The following PTPRO variants were observed in gnomAD, a reference collection of about 807,000 sequenced individuals.
PTPRO encodes the protein receptor-type tyrosine-protein phosphatase O.
A neutral mutation model predicts 145.2 loss-of-function variants in PTPRO; 62 were observed. The ratio of observed to expected loss-of-function variants is 0.43; its 90% CI spans 0.35 to 0.53. The LOEUF is 0.53. PTPRO is among the 20% of genes least tolerant of loss of function. The pLI is 0.01. For synonymous variants in PTPRO, 565 were observed against 514.7 expected (o/e 1.10, Z -1.32); for missense variants, 1,345 against 1,482.7 (o/e 0.91, Z 1.53).
intron 1 of PTPRO, among the ~76,000 whole-genome samples, chr12:15,420,423 A>AT (rs1161476638): frequency 6.6e-6 from 1 of 151,406 alleles, no homozygotes; most frequent in Admixed American, 6.6e-5. Flanking sequence ...TTTTACCAAG[A>AT]TTCTCCCACT....
In PTPRO at chr12:15,549,217, T is replaced by C; in HGVS notation, c.2428T>C (p.Ser810Pro). 6.2e-7 allele frequency: 1 copy of C among 1,610,884 alleles called. No individual in the cohort carries two copies. The highest frequency in any genetic ancestry group is 1.1e-5 in the South Asian group (1 of 90,142). The change falls in exon 14 of 27, where the codon TCA becomes CCA. Residue 810 changes from serine to proline, a missense_variant. This residue lies in a region of PTPRO where 1,130 missense variants were observed against 1,214.7 expected (regional missense o/e 0.93). Transcript: ENST00000281171. ...CAGTGTCCCTACGTTCATAGCCGTC[T>C]CAACAATGGGTAATTATACACATTA... ...SPSVPTFIAV[S>P]TMVTEMNPNV...
intron 1 of PTPRO, among the ~76,000 whole-genome samples, chr12:15,465,383 C>T (rs1412998142): frequency 2.0e-5 from 3 of 152,160 alleles, no homozygotes; most frequent in African/African-American, 7.2e-5. Context: ...TGTGAATAAC[C>T]TGAACATATT....
intron 1 of PTPRO, among the ~76,000 whole-genome samples, chr12:15,336,137 C>T (rs1038750391): frequency 6.6e-6 from 1 of 151,914 alleles, no homozygotes; most frequent in Non-Finnish European, 1.5e-5. Context: ...AAAAGAATAT[C>T]ATCATTCCTA....
chr12:15,343,089 A>G (rs1207775108), intron 1 of PTPRO, among the ~76,000 whole-genome samples: 2 of 152,180 alleles, frequency 1.3e-5, no homozygotes, highest in Non-Finnish European at 2.9e-5. Flanking sequence ...TGAATAAACT[A>G]GTGGACAGTG....
chr12:15,543,746 T>A (rs1943223466), intron 12 of PTPRO, among the ~76,000 whole-genome samples: 2 of 152,220 alleles, frequency 1.3e-5, no homozygotes, highest in Admixed American at 1.3e-4. Context: ...GGCAGTAGAA[T>A]GTCAGAGAAG....
chr12:15,471,781 T>C (rs1941547982), intron 1 of PTPRO, among the ~76,000 whole-genome samples: 1 of 152,162 alleles, frequency 6.6e-6, no homozygotes, highest in South Asian at 2.1e-4. Context: ...AATGGCTGCA[T>C]AAATAATGGA....
chr12:15,518,586 C>T (rs1942648518), intron 9 of PTPRO, among the ~76,000 whole-genome samples: 1 of 152,198 alleles, frequency 6.6e-6, no homozygotes, highest in African/African-American at 2.4e-5. Flanking sequence ...TGCTCTGTTT[C>T]CCTTTTAAAA....
chr12:15,371,301 C>T (rs775865348), intron 1 of PTPRO, among the ~76,000 whole-genome samples: 6 of 151,350 alleles, frequency 4.0e-5, no homozygotes, highest in Admixed American at 6.6e-5. Flanking sequence ...GGTGCAATCT[C>T]GGCTCATTGC....
At chr12:15,499,397 G>C (rs779734499) in intron 3 of PTPRO, 45 bp from the exon 4 acceptor site, 1 of 1,579,548 alleles carries the variant, frequency 6.3e-7, no homozygotes, top group East Asian at 2.2e-5. Context: ...AGTGTGTGAT[G>C]TTTAGAAGAC....
intron 1 of PTPRO, among the ~76,000 whole-genome samples, chr12:15,342,484 G>A (rs1342168678): frequency 6.6e-6 from 1 of 152,138 alleles, no homozygotes; most frequent in Admixed American, 6.5e-5. Context: ...TAATCATTCA[G>A]TGTCTCCTTG....
chr12:15,506,820 C>G (rs1165820177), intron 6 of PTPRO, among the ~76,000 whole-genome samples: 1 of 152,150 alleles, frequency 6.6e-6, no homozygotes, highest in Admixed American at 6.5e-5. Context: ...CTCTTCAATT[C>G]TAAAATTCCA....
Position 15,480,321 on chromosome 12 carries a change from A to G in PTPRO, c.76-3653A>G, listed in dbSNP as rs149901184. 2.2e-3 allele frequency among the ~76,000 whole-genome samples: 341 copies of G among 152,306 alleles called. 1 individual carries two copies. Among genetic ancestry groups the G allele is most frequent in the African/African-American group, 7.8e-3 (324 of 41,580 alleles). On this transcript the variant is annotated intron_variant, in intron 1 of 26. Transcript: ENST00000281171. Reference sequence around the variant, plus strand: ...ATATTTGTATATTGACTAATTTTGGACTATTTCTTGAATATTGTGAGTATT... The same window carrying G: ...ATATTTGTATATTGACTAATTTTGGGCTATTTCTTGAATATTGTGAGTATT...
rs781329639 is a variant in PTPRO at position 15,501,700 on chromosome 12, C to G, written c.742C>G (p.Pro248Ala). Residue 248 changes from proline to alanine, a missense_variant, in exon 5 of 27, where the codon CCA becomes GCA. Coordinates refer to ENST00000281171, the MANE Select transcript of PTPRO (RefSeq NM_030667.3). ...CTGGGAAGAACAGAGTGGCAATTTCCCAGAAGAATCCTTCATGAGATCACA... is the reference window on the plus strand; with the variant it reads ...CTGGGAAGAACAGAGTGGCAATTTCGCAGAAGAATCCTTCATGAGATCACA... ...NNWEEQSGNFPEESFMRSQDT... is the reference protein window; with the variant it reads ...NNWEEQSGNFAEESFMRSQDT... 3.1e-6 allele frequency: 5 copies of G among 1,613,830 alleles called. No homozygotes were observed. Among genetic ancestry groups the G allele is most frequent in the Non-Finnish European group, 4.2e-6 (5 of 1,179,866 alleles).
chr12:15,435,897 T>A (rs1940582111), intron 1 of PTPRO, among the ~76,000 whole-genome samples: 1 of 152,216 alleles, frequency 6.6e-6, no homozygotes, highest in South Asian at 2.1e-4. Flanking sequence ...GAAGTTCTAG[T>A]CAGACTAGCC....
Position 15,525,095 on chromosome 12 carries a change from A to G in PTPRO, c.2043+130A>G, listed in dbSNP as rs1942810217. ...CAGTTGTCTGTTTTAGGCTCTGGAG[A>G]TAAGACAGTGAACAAAAATTGAATT... On this transcript the variant is annotated intron_variant, in intron 11 of 26. Coordinates refer to ENST00000281171, the MANE Select transcript of PTPRO (RefSeq NM_030667.3). The G allele has an allele frequency of 2.6e-6, 3 of 1,139,382 alleles. No individual in the cohort carries two copies. The African/African-American group carries it at 4.6e-5, about 18-fold the overall frequency. The allele number at this position is 1,139,382 out of a possible 1,614,324, so 70.6% of individuals were successfully genotyped here. A position where few individuals can be genotyped will look rare whatever the true frequency, so the allele number is the denominator to read the frequency against.
chr12:15,578,922 C>T lies in PTPRO; in HGVS notation c.2899C>T (p.Arg967Cys), dbSNP rs1257571508. 3.1e-6 allele frequency: 5 copies of T among 1,600,382 alleles called. No individual in the cohort carries two copies. Among genetic ancestry groups the T allele is most frequent in the Non-Finnish European group, 4.3e-6 (5 of 1,167,712 alleles). Reference protein sequence around the residue: ...ADLPLNRCKNRYTNILPYDFS... With the variant: ...ADLPLNRCKNCYTNILPYDFS... ...TCTTCCACTGAATCGATGTAAAAAC[C>T]GTTACACAAACATCCTACCATGTAA... Residue 967 changes from arginine to cysteine, a missense_variant, in exon 20 of 27, where the codon CGT becomes TGT. This residue lies in a region of PTPRO where 1,130 missense variants were observed against 1,214.7 expected (regional missense o/e 0.93). Coordinates refer to ENST00000281171, the MANE Select transcript of PTPRO (RefSeq NM_030667.3).
At chr12:15,442,002 A>C (rs2136360675) in intron 1 of PTPRO, among the ~76,000 whole-genome samples, 1 of 152,276 alleles carries the variant, frequency 6.6e-6, no homozygotes, top group Non-Finnish European at 1.5e-5. Context: ...CATTCTACAA[A>C]GCCAGCATCA....
At chr12:15,580,586 C>G in intron 21 of PTPRO, 111 bp from the exon 22 acceptor site, 1 of 1,350,854 alleles carries the variant, frequency 7.4e-7, no homozygotes, top group South Asian at 1.2e-5. Context: ...GTGTGTGATC[C>G]TTTGCCAATT....
chr12:15,545,295 A>G (rs1403610292), intron 12 of PTPRO, among the ~76,000 whole-genome samples: 1 of 151,836 alleles, frequency 6.6e-6, no homozygotes, highest in East Asian at 2.0e-4. Flanking sequence ...TGACAGGCGC[A>G]TATAGGTGGA....
Sources: allele counts gnomAD v4.1 joint callset (sites outside exome capture counted in the v4.1 genomes callset), GRCh38; gene constraint gnomAD v4.1.1; regional missense constraint gnomAD v4.1.1; transcripts MANE v1.5; gene names NCBI Gene and HGNC (gene_info 2026-07-23, HGNC 2026-07-21).